HGFAC: variants seen among roughly 807,000 people sequenced by gnomAD.
HGFAC encodes HGF activator.
Under a neutral mutation model 70.6 loss-of-function variants are expected in HGFAC, and 76 were observed. The observed-to-expected ratio is 1.08, with a 90% CI of 0.89 to 1.30. HGFAC has a LOEUF of 1.30. Ranked by LOEUF, HGFAC falls within the 50% of genes most tolerant of loss-of-function variation. The pLI, the probability that HGFAC is intolerant of heterozygous loss-of-function variation, is 0.00. For synonymous variants in HGFAC, 464 were observed against 405.3 expected (o/e 1.14, Z -1.74); for missense variants, 1,044 against 933.7 (o/e 1.12, Z -1.54).
intron 12 of HGFAC, 23 bp downstream of exon 12, chr4:3,448,058 A>T (rs749326410): frequency 6.4e-7 from 1 of 1,551,256 alleles, no homozygotes; most frequent in African/African-American, 1.4e-5. Context: ...GGGGGCGCCC[A>T]GCGCCCCGCC....
intron 11 of HGFAC, 119 bp from the exon 12 acceptor site, chr4:3,447,776 T>C: frequency 6.5e-7 from 1 of 1,527,102 alleles, no homozygotes; most frequent in East Asian, 2.3e-5. Flanking sequence ...ACCGCTCCCT[T>C]CTGGATCTCC....
chr4:3,443,230 C>T (rs993460796), intron 3 of HGFAC, 84 bp downstream of exon 3: 22 of 1,308,786 alleles, frequency 1.7e-5, no homozygotes, highest in South Asian at 1.2e-4. Flanking sequence ...ACACAGTAGG[C>T]GCTCACCACG....
At chr4:3,441,471 G>A (rs538880237), upstream of HGFAC, among the ~76,000 whole-genome samples, 1 of 152,260 alleles carries the variant, frequency 6.6e-6, no homozygotes, top group African/African-American at 2.4e-5. The surrounding 1 kb of genome is among the most constrained non-coding windows in gnomAD (Gnocchi z 6.0). Context: ...TGGGGCCACC[G>A]AGAGGATGCA....
chr4:3,445,749 G>T, intron 9 of HGFAC: 3 of 925,894 alleles, frequency 3.2e-6, no homozygotes, highest in Non-Finnish European at 4.9e-6. Flanking sequence ...TCATGTGGGG[G>T]TCTCTGACTG....
Position 3,447,975 on chromosome 4 carries a change from G to C in HGFAC, c.1576G>C (p.Gly526Arg). ...FVQPICLPEP[G>R]STFPAGHKCQ... ...GCAGCCCATCTGCCTGCCCGAGCCC[G>C]GCAGCACCTTCCCCGCAGGACACAA... is the stretch of plus-strand genomic sequence containing the variant. The change falls in exon 12 of 14, where the codon GGC becomes CGC. Residue 526 changes from glycine to arginine, a missense_variant. By Grantham distance (125) the Gly-to-Arg change is moderately radical. Coordinates refer to ENST00000382774, the MANE Select transcript of HGFAC (RefSeq NM_001528.4). 6.3e-7 allele frequency: 1 copy of C among 1,589,108 alleles called. No individual in the cohort carries two copies. The highest frequency in any genetic ancestry group is 8.6e-7 in the Non-Finnish European group (1 of 1,168,512).
rs1243420687 is a variant in HGFAC at position 3,449,258 on chromosome 4, G to A, written c.1807G>A (p.Ala603Thr). The change falls in exon 14 of 14, where the codon GCC (alanine) becomes ACC (threonine). Residue 603 changes from alanine to threonine, a missense_variant. By Grantham distance (58) the Ala-to-Thr change is moderately conservative (BLOSUM62 0). Coordinates refer to ENST00000382774, the MANE Select transcript of HGFAC (RefSeq NM_001528.4). ...CCAGGGGGACTCAGGGGGGCCCCTG[G>A]CCTGCGAGAAGAACGGCGTGGCTTA... The part of the protein sequence containing the change: ...ACQGDSGGPL[A>T]CEKNGVAYLY... 6.2e-7 allele frequency: 1 copy of A among 1,612,290 alleles called. No homozygotes were observed. The highest frequency in any genetic ancestry group is 2.2e-5 in the East Asian group (1 of 44,822).
At chr4:3,442,973 C>G in intron 2 of HGFAC, 61 bp downstream of exon 2, 1 of 1,547,456 alleles carries the variant, frequency 6.5e-7, no homozygotes. Context: ...GTGGGAGGAG[C>G]ATGGCTGCGG....
chr4:3,442,266 C>T, intron 1 of HGFAC, 148 bp downstream of exon 1: 1 of 611,156 alleles, frequency 1.6e-6, no homozygotes, highest in South Asian at 2.3e-5. Flanking sequence ...AAAGCTGGCC[C>T]TCACAGGGCA....
At position 3,444,445 on chromosome 4, in the gene HGFAC, G is replaced by A; in HGVS notation, c.730+3G>A. 6.3e-7 allele frequency: 1 copy of A among 1,589,472 alleles called. No individual in the cohort carries two copies. On this transcript the variant is annotated splice_donor_region_variant and intron_variant, in intron 6 of 13. Transcript: ENST00000382774. ...GTGCGAAGGCACCCGACATACAGGT[G>A]CGCCACGGGGTGTGAGCCGTGCCAC... is the stretch of plus-strand genomic sequence containing the variant.
chr4:3,446,937 G>A (rs959619393), intron 10 of HGFAC, among the ~76,000 whole-genome samples: 1 of 152,200 alleles, frequency 6.6e-6, no homozygotes, highest in African/African-American at 2.4e-5. Context: ...ACCTGCAGCC[G>A]GCGGCTCCTG....
At chr4:3,443,998 C>G in intron 4 of HGFAC, 41 bp from the exon 5 acceptor site, 1 of 1,534,162 alleles carries the variant, frequency 6.5e-7, no homozygotes, top group South Asian at 1.3e-5. Flanking sequence ...GACCCTGAGC[C>G]TCCCAGTCCG....
rs1281858494 is a variant in HGFAC at position 3,443,545 on chromosome 4, G to A, written c.475+125G>A. ...TGGAGGGGAGCAGAAGAGGAGCTCT[G>A]GGATTAACCCCGGTGGGTGCCACTT... On this transcript the variant is annotated intron_variant, in intron 4 of 13. Coordinates refer to ENST00000382774, the MANE Select transcript of HGFAC (RefSeq NM_001528.4). The A allele has an allele frequency of 7.1e-6, 4 of 565,648 alleles. 1 individual carries two copies. The highest frequency in any genetic ancestry group is 5.8e-6 in the Non-Finnish European group (2 of 344,716). The allele number at this position is 565,648 out of a possible 1,614,324, so 35.0% of individuals were successfully genotyped here. A position where few individuals can be genotyped will look rare whatever the true frequency, so the allele number is the denominator to read the frequency against.
intron 8 of HGFAC, 62 bp from the exon 9 acceptor site, chr4:3,445,203 C>T: frequency 7.0e-7 from 1 of 1,424,218 alleles, no homozygotes; most frequent in Admixed American, 2.0e-5. Context: ...CCGATGCCCC[C>T]TCCCCATGCC....
Position 3,444,386 on chromosome 4 carries a change from T to A in HGFAC, c.674T>A (p.Val225Glu), listed in dbSNP as rs1275426207. 2 of 1,605,198 alleles carry A rather than the reference T, an allele frequency of 1.2e-6. No homozygotes were observed. Among genetic ancestry groups the A allele is most frequent in the Non-Finnish European group, 8.5e-7 (1 of 1,177,204 alleles). ...DRWARVRQGH[V>E]EQCECFGGRT... is the part of the protein sequence containing the mutation. ...TGGGCCCGCGTGCGCCAGGGCCACGTGGAACAGTGCGAGTGCTTCGGGGGC... is the reference window on the plus strand; with the variant it reads ...TGGGCCCGCGTGCGCCAGGGCCACGAGGAACAGTGCGAGTGCTTCGGGGGC... Residue 225 changes from valine to glutamate, a missense_variant, in exon 6 of 14, where the codon GTG (valine) becomes GAG (glutamate). Transcript: ENST00000382774.
At chr4:3,446,680 G>A (rs1725524974) in intron 10 of HGFAC, among the ~76,000 whole-genome samples, 1 of 152,130 alleles carries the variant, frequency 6.6e-6, no homozygotes, top group Non-Finnish European at 1.5e-5. Flanking sequence ...CCCAAGCACA[G>A]CCAGGGAAAC....
intron 1 of HGFAC, among the ~76,000 whole-genome samples, chr4:3,442,394 C>G (rs888173563): frequency 1.3e-5 from 2 of 152,206 alleles, no homozygotes; most frequent in Non-Finnish European, 1.5e-5. Context: ...TGCCCCCTCT[C>G]TCTGGACCTC....
In HGFAC at chr4:3,442,898, GC is replaced by G. The variant is rs1725362871; in HGVS notation, c.289del (p.Gln97ArgfsTer150). 3.2e-6 allele frequency: 5 copies of G among 1,561,428 alleles called. No individual in the cohort carries two copies. In the Admixed American group the frequency reaches 6.1e-5, roughly 19 times the overall value. On this transcript the variant is annotated frameshift_variant, in exon 2 of 14. Transcript: ENST00000382774. LOFTEE classifies it high-confidence loss of function. Reference sequence around the variant, plus strand: ...CCCAGGGCAGTTCCCTCGAGCAGTAGCCCCCAGGCCCAAGGTGGGTCAGGTG... The same window carrying G: ...CCCAGGGCAGTTCCCTCGAGCAGTAGCCCCAGGCCCAAGGTGGGTCAGGTG... Reference protein sequence around the residue: ...PPPRAVPSSSSPQAQALTEDG... With the variant: ...PPPRAVPSSSXPQAQALTEDG...
upstream of HGFAC, among the ~76,000 whole-genome samples, chr4:3,441,580 G>T (rs968327053): frequency 6.6e-6 from 1 of 152,202 alleles, no homozygotes; most frequent in Admixed American, 6.5e-5. The surrounding 1 kb of genome is among the most constrained non-coding windows in gnomAD (Gnocchi z 6.0). Flanking sequence ...CACAGAGCTG[G>T]ACACCTCCAA....
Position 3,445,249 on chromosome 4 carries a change from C to A in HGFAC, c.1017-16C>A. 7 of 1,555,610 alleles carry A rather than the reference C, an allele frequency of 4.5e-6. No individual in the cohort carries two copies. Among genetic ancestry groups the A allele is most frequent in the South Asian group, 1.2e-5 (1 of 84,430 alleles). Reference sequence around the variant, plus strand: ...GGCAGTGTGACTCCCTGCCAGCCCCCACTTATGCACCGCAGGAATCCGGAC... The same window carrying A: ...GGCAGTGTGACTCCCTGCCAGCCCCAACTTATGCACCGCAGGAATCCGGAC... On this transcript the variant is annotated splice_polypyrimidine_tract_variant and intron_variant, in intron 8 of 13. Coordinates refer to ENST00000382774, the MANE Select transcript of HGFAC (RefSeq NM_001528.4).
Sources: gnomAD v4.1 joint callset for allele counts (sites outside exome capture counted in the v4.1 genomes callset) on GRCh38, gnomAD v4.1.1 for gene constraint, Gnocchi (gnomAD v3.1) non-coding constraint, MANE v1.5 for transcripts, NCBI Gene and HGNC (gene_info 2026-07-23, HGNC 2026-07-21) for gene names.